The following FBXL4 variants were observed in gnomAD, a reference collection of about 807,000 sequenced individuals.
FBXL4 encodes F-box/LRR-repeat protein 4.
In FBXL4, 40 loss-of-function variants were observed where a neutral mutation model predicts 58.9. The ratio of observed to expected loss-of-function variants is 0.68; its 90% CI spans 0.53 to 0.88. The LOEUF (loss-of-function observed/expected upper bound fraction) is 0.88, where lower values mean the gene tolerates loss of function less well. Among genes scored for constraint, FBXL4 ranks in the 40% least tolerant of loss-of-function variants. The pLI is 0.00. For missense variants in FBXL4, 676 were observed against 734.4 expected, an observed-to-expected ratio of 0.92 and a Z score of 0.92; for synonymous variants, 263 against 265.5, an observed-to-expected ratio of 0.99 and a Z score of 0.09.
At chr6:98,909,621 G>A (rs921141661) in intron 5 of FBXL4, among the ~76,000 whole-genome samples, 1 of 152,112 alleles carries the variant, frequency 6.6e-6, no homozygotes, top group Middle Eastern at 3.2e-3. Context: ...TTGCAAGTGG[G>A]TAAGAATCAA....
rs1772408217 is a variant in FBXL4 at position 98,917,506 on chromosome 6, G to T, written c.726C>A (p.Asp242Glu). 3 of 1,614,000 alleles carry T rather than the reference G, an allele frequency of 1.9e-6. No individual in the cohort carries two copies. The highest frequency in any genetic ancestry group is 2.5e-6 in the Non-Finnish European group (3 of 1,179,932). The change falls in exon 5 of 10, where the codon GAC becomes GAA. Residue 242 changes from aspartate to glutamate, a missense_variant. Asp to Glu is a conservative substitution (Grantham distance 45). Coordinates refer to ENST00000369244, the MANE Select transcript of FBXL4 (RefSeq NM_001278716.2). ...PVLSLKTSLIDMNDIEDDAYA... is the reference protein window; with the variant it reads ...PVLSLKTSLIEMNDIEDDAYA... ...AGGCATCATCTTCTATATCATTCAT[G>T]TCAATAAGTGAAGTCTTGAGAGAAA...
At chr6:98,928,469 C>T (rs1464876510) in intron 2 of FBXL4, among the ~76,000 whole-genome samples, 1 of 152,050 alleles carries the variant, frequency 6.6e-6, no homozygotes, top group Non-Finnish European at 1.5e-5. Flanking sequence ...GCTGGGACTA[C>T]AGGCATACAC....
chr6:98,932,880 A>G (rs1773065598), intron 2 of FBXL4, among the ~76,000 whole-genome samples: 1 of 151,854 alleles, frequency 6.6e-6, no homozygotes, highest in Non-Finnish European at 1.5e-5. Context: ...CTTGCAAAAG[A>G]GCCCACAGAG....
At chr6:98,906,192 C>A (rs970308962) in intron 5 of FBXL4, among the ~76,000 whole-genome samples, 10 of 146,190 alleles carry the variant, frequency 6.8e-5, no homozygotes, top group Middle Eastern at 3.5e-3. Flanking sequence ...AAAAAAAAAA[C>A]ACTTTTAAGT....
rs1771005685 is a variant in FBXL4, at chr6:98,885,468, C to T, written c.1318-4844G>A. ...ATTTAAATCAGTAGACTGAATAAAG[C>T]ACATTGCCCTACCTAATGTGGGTGG... is the stretch of plus-strand genomic sequence containing the variant. On this transcript the variant is annotated intron_variant, in intron 7 of 9. Coordinates refer to ENST00000369244, the MANE Select transcript of FBXL4 (RefSeq NM_001278716.2). Among the ~76,000 whole-genome samples the T allele has an allele frequency of 3.3e-5, 5 of 151,868 alleles. No individual in the cohort carries two copies. The South Asian group carries it at 8.3e-4, about 25-fold the overall frequency.
chr6:98,942,223 A>T (rs1461576321), intron 1 of FBXL4, among the ~76,000 whole-genome samples: 2 of 152,158 alleles, frequency 1.3e-5, no homozygotes, highest in Non-Finnish European at 2.9e-5. Flanking sequence ...AACAGAATTA[A>T]ATACTTCAAA....
intron 4 of FBXL4, 73 bp from the exon 5 acceptor site, chr6:98,917,792 A>G: frequency 1.0e-6 from 1 of 989,154 alleles, no homozygotes; most frequent in Non-Finnish European, 1.5e-6. Context: ...TTATAGACCC[A>G]TGCCCAATAT....
Position 98,899,447 on chromosome 6 carries a change from G to C in FBXL4, c.1138C>G (p.Leu380Val), listed in dbSNP as rs1562227074. 1 of 1,613,810 alleles carries C rather than the reference G, an allele frequency of 6.2e-7. No homozygotes were observed. The highest frequency in any genetic ancestry group is 1.1e-5 in the South Asian group (1 of 91,076). The change falls in exon 7 of 10, where the codon CTT (leucine) becomes GTT (valine). Residue 380 changes from leucine to valine, a missense_variant. Physicochemically the swap from Leu to Val is conservative, Grantham distance 32. Coordinates refer to ENST00000369244, the MANE Select transcript of FBXL4 (RefSeq NM_001278716.2). ...LKVCGSELVR[L>V]ELSCSHFLNE... ...AGAAAGTGGCTGCAAGACAATTCAA[G>C]GCGTACTAATTCGGATCCACAAACC... is the stretch of plus-strand genomic sequence containing the variant.
At chr6:98,886,614 C>A (rs1320720264) in intron 7 of FBXL4, among the ~76,000 whole-genome samples, 1 of 151,996 alleles carries the variant, frequency 6.6e-6, no homozygotes, top group African/African-American at 2.4e-5. Context: ...TTTTTTTATT[C>A]CTCCTTGTCT....
Position 98,917,846 on chromosome 6 carries a change from A to G in FBXL4, c.513-127T>C, listed in dbSNP as rs567910114. 75 of 636,980 alleles carry G rather than the reference A, an allele frequency of 1.2e-4. No homozygotes were observed. The East Asian group carries it at 2.1e-3, about 18-fold the overall frequency. The allele number at this position is 636,980 out of a possible 1,614,324, so 39.5% of individuals were successfully genotyped here. On this transcript the variant is annotated intron_variant, in intron 4 of 9. Coordinates refer to ENST00000369244, the MANE Select transcript of FBXL4 (RefSeq NM_001278716.2). ...GTCATCAAAATAAATAGAATCCAAT[A>G]TAAGTATTGTTCCCAAGATATAAAA...
intron 2 of FBXL4, among the ~76,000 whole-genome samples, chr6:98,929,358 G>A (rs1457204517): frequency 6.6e-6 from 1 of 152,008 alleles, no homozygotes; most frequent in African/African-American, 2.4e-5. Context: ...GATCACCTGA[G>A]GTCAGGAGTT....
chr6:98,880,465 G>T (rs1421367227), intron 8 of FBXL4, 88 bp downstream of exon 8: 10 of 1,021,800 alleles, frequency 9.8e-6, no homozygotes, highest in African/African-American at 3.2e-5. Context: ...GGGTGTGTGT[G>T]GGGTAGGGTG....
intron 5 of FBXL4, among the ~76,000 whole-genome samples, chr6:98,912,175 G>A (rs1333317422): frequency 6.6e-6 from 1 of 152,206 alleles, no homozygotes; most frequent in East Asian, 1.9e-4. Flanking sequence ...ATGGGACTAT[G>A]TGAAAAGACC....
intron 5 of FBXL4, among the ~76,000 whole-genome samples, chr6:98,908,867 A>C (rs1771920475): frequency 6.6e-6 from 1 of 152,120 alleles, no homozygotes; most frequent in African/African-American, 2.4e-5. Context: ...ATAGTCCTCC[A>C]AGTAAAATAA....
chr6:98,901,004 G>C (rs527981863), intron 6 of FBXL4, among the ~76,000 whole-genome samples: 8 of 152,220 alleles, frequency 5.3e-5, no homozygotes, highest in African/African-American at 1.9e-4. Context: ...TATGCCCTGA[G>C]CTTCTACTAT....
intron 5 of FBXL4, among the ~76,000 whole-genome samples, chr6:98,909,548 G>C (rs1384869437): frequency 6.6e-6 from 1 of 152,204 alleles, no homozygotes; most frequent in African/African-American, 2.4e-5. Flanking sequence ...TATCAGGTCT[G>C]GATAAAATTC....
rs1770567234 is a variant in FBXL4 at position 98,874,078 on chromosome 6, TGAAGA to T, written c.*195_*199del. On this transcript the variant is annotated 3_prime_UTR_variant, in exon 10 of 10. Coordinates refer to ENST00000369244, the MANE Select transcript of FBXL4 (RefSeq NM_001278716.2). Reference sequence around the variant, plus strand: ...TAAAAATAATATCCACTCATATTCTTGAAGAGAAGTGCTTGCAGTATTTTATGAAA... The same window carrying T: ...TAAAAATAATATCCACTCATATTCTTGAAGTGCTTGCAGTATTTTATGAAA... 2 of 435,586 alleles carry T rather than the reference TGAAGA, an allele frequency of 4.6e-6. No homozygotes were observed. Among genetic ancestry groups the T allele is most frequent in the Admixed American group, 4.2e-5 (1 of 23,758 alleles). The allele number at this position is 435,586 out of a possible 1,614,324, so 27.0% of individuals were successfully genotyped here. A position where few individuals can be genotyped will look rare whatever the true frequency, so the allele number is the denominator to read the frequency against.
chr6:98,897,086 C>T, intron 7 of FBXL4: 1 of 983,036 alleles, frequency 1.0e-6, no homozygotes, highest in Non-Finnish European at 1.2e-6. Context: ...TATTTTTCTT[C>T]TCAAAGGCTC....
At position 98,875,550 on chromosome 6, in the gene FBXL4, C is replaced by T. The variant is rs759480340; in HGVS notation, c.1567G>A (p.Gly523Arg). The T allele has an allele frequency of 1.9e-6, 3 of 1,613,938 alleles. No individual in the cohort carries two copies. The highest frequency in any genetic ancestry group is 2.7e-5 in the African/African-American group (2 of 74,898). ...GWCPTLQSST[G>R]CFTRLAHQLP... ...TGGTGTGCCAGTCTGGTGAAGCACC[C>T]GGTGCTGCTCTGCAGAGTTGGGCAC... The change falls in exon 9 of 10, where the codon GGG (glycine) becomes AGG (arginine). Residue 523 changes from glycine to arginine, a missense_variant. Transcript: ENST00000369244.
Sources: gnomAD v4.1 joint callset for allele counts (sites outside exome capture counted in the v4.1 genomes callset) on GRCh38, gnomAD v4.1.1 for gene constraint, MANE v1.5 for transcripts, NCBI Gene and HGNC (gene_info 2026-07-23, HGNC 2026-07-21) for gene names.